NRG1: variants seen among roughly 807,000 people sequenced by gnomAD.
NRG1 encodes pro-neuregulin-1, membrane-bound isoform.
Under a neutral mutation model 63.8 loss-of-function variants are expected in NRG1, and 18 were observed. The observed-to-expected ratio is 0.28, with a 90% CI of 0.19 to 0.42. The LOEUF (loss-of-function observed/expected upper bound fraction) is 0.42, where lower values mean the gene tolerates loss of function less well. Among genes scored for constraint, NRG1 ranks in the 10% least tolerant of loss-of-function variants. The probability of loss-of-function intolerance (pLI) is 1.00; values close to 1 mark genes in which losing one functional copy is unlikely to be tolerated. For missense variants in NRG1, 762 were observed against 814.7 expected, an observed-to-expected ratio of 0.94 and a Z score of 0.79; for synonymous variants, 302 against 301.3, an observed-to-expected ratio of 1.00 and a Z score of -0.02.
At chr8:32,771,715 A>AAATATAT (rs1343943621), downstream of NRG1, among the ~76,000 whole-genome samples, 10 of 111,846 alleles carry the variant, frequency 8.9e-5, no homozygotes, top group African/African-American at 3.1e-4. Flanking sequence ...TTAAAAAAAA[A>AAATATAT]ATATATATAT....
intron 1 of NRG1, among the ~76,000 whole-genome samples, chr8:31,786,735 G>A (rs993723017): frequency 1.3e-5 from 2 of 152,176 alleles, no homozygotes; most frequent in African/African-American, 4.8e-5. Context: ...AAAGAATACA[G>A]ATGAAGAAAT....
At chr8:32,252,069 A>G (rs969571508) in intron 1 of NRG1, among the ~76,000 whole-genome samples, 1 of 152,012 alleles carries the variant, frequency 6.6e-6, no homozygotes. Context: ...AAATTTGTTT[A>G]GGTTCCTTGT....
intron 5 of NRG1, among the ~76,000 whole-genome samples, chr8:32,628,939 G>A (rs1267829239): frequency 6.6e-6 from 1 of 151,888 alleles, no homozygotes; most frequent in Non-Finnish European, 1.5e-5. Flanking sequence ...CCACCATGTT[G>A]GCCAGGCTGG....
intron 1 of NRG1, among the ~76,000 whole-genome samples, chr8:31,674,394 CTTA>C (rs1407163300): frequency 6.6e-6 from 1 of 152,096 alleles, no homozygotes; most frequent in South Asian, 2.1e-4. Context: ...CTTGCCAATA[CTTA>C]TTATTATTAT....
intron 1 of NRG1, among the ~76,000 whole-genome samples, chr8:31,652,068 T>C (rs187564476): frequency 2.0e-3 from 312 of 152,328 alleles, no homozygotes; most frequent in Non-Finnish European, 3.0e-3. Context: ...TCACCACAGT[T>C]ATTCCCAGTG....
chr8:31,862,369 G>A (rs1289647934), intron 1 of NRG1, among the ~76,000 whole-genome samples: 1 of 152,050 alleles, frequency 6.6e-6, no homozygotes, highest in Non-Finnish European at 1.5e-5. Flanking sequence ...ATTATCCCAA[G>A]GAAAAAGAAG....
chr8:32,466,405 C>G (rs529374320), intron 1 of NRG1, among the ~76,000 whole-genome samples: 63 of 150,624 alleles, frequency 4.2e-4, no homozygotes, highest in Non-Finnish European at 7.8e-4. Flanking sequence ...CCTGGATGAT[C>G]ACCCAGTAGC....
chr8:31,696,316 C>T (rs939527461), intron 1 of NRG1, among the ~76,000 whole-genome samples: 1 of 152,202 alleles, frequency 6.6e-6, no homozygotes, highest in Non-Finnish European at 1.5e-5. Flanking sequence ...ATCTGCCTGC[C>T]TTGGTCTCCC....
intron 1 of NRG1, among the ~76,000 whole-genome samples, chr8:31,958,247 G>C (rs1804810971): frequency 6.6e-6 from 1 of 152,114 alleles, no homozygotes; most frequent in African/African-American, 2.4e-5. Context: ...ATAAAAACCT[G>C]TTTGTGTTTT....
chr8:32,151,974 C>A (rs888267976), intron 1 of NRG1, among the ~76,000 whole-genome samples: 7 of 152,112 alleles, frequency 4.6e-5, no homozygotes. Context: ...TCTAGACATG[C>A]CTTATCAGTG....
intron 1 of NRG1, among the ~76,000 whole-genome samples, chr8:32,129,322 T>A (rs1834501748): frequency 6.6e-6 from 1 of 151,974 alleles, no homozygotes; most frequent in South Asian, 2.1e-4. Flanking sequence ...CAAGGTGTTG[T>A]CAGGGCTGTG....
At chr8:32,075,878 G>A (rs1455322939) in intron 1 of NRG1, among the ~76,000 whole-genome samples, 1 of 152,116 alleles carries the variant, frequency 6.6e-6, no homozygotes, top group Non-Finnish European at 1.5e-5. Context: ...TCGCCGTCTT[G>A]GCCAGGCTGG....
Position 32,366,133 on chromosome 8 carries a change from G to A in NRG1, c.38-229695G>A, listed in dbSNP as rs142726535. The stretch of plus-strand genomic sequence containing the variant: ...TCAGAATACATTCATGGACATATGA[G>A]TTTGGGGTTTTTTAAAATTTTTTTT... On this transcript the variant is annotated intron_variant, in intron 1 of 10. Transcript: ENST00000519301. Among the ~76,000 whole-genome samples, 182 of 152,250 alleles carry A rather than the reference G, an allele frequency of 1.2e-3. 1 individual carries two copies. The highest frequency in any genetic ancestry group is 4.3e-3 in the African/African-American group (179 of 41,542).
intron 1 of NRG1, among the ~76,000 whole-genome samples, chr8:31,986,949 T>C (rs568584676): frequency 1.3e-5 from 2 of 152,250 alleles, no homozygotes; most frequent in South Asian, 4.1e-4. Context: ...AGTGCTATAA[T>C]GTGACTGTTT....
chr8:32,312,896 G>T (rs1856985013), intron 1 of NRG1, among the ~76,000 whole-genome samples: 1 of 151,980 alleles, frequency 6.6e-6, no homozygotes, highest in African/African-American at 2.4e-5. Context: ...GCTCACACCT[G>T]TAATCCCAGC....
chr8:32,422,115 C>A (rs950733120), intron 1 of NRG1, among the ~76,000 whole-genome samples: 1 of 152,064 alleles, frequency 6.6e-6, no homozygotes, highest in South Asian at 2.1e-4. Flanking sequence ...AACAGAACTG[C>A]ACTTATACCC....
At chr8:31,677,435 A>G (rs1807829580) in intron 1 of NRG1, among the ~76,000 whole-genome samples, 1 of 152,144 alleles carries the variant, frequency 6.6e-6, no homozygotes, top group South Asian at 2.1e-4. Flanking sequence ...TGATATCCCT[A>G]TCTGTGGCTT....
chr8:31,880,042 G>T (rs1340836351), intron 1 of NRG1, among the ~76,000 whole-genome samples: 2 of 152,054 alleles, frequency 1.3e-5, no homozygotes, highest in African/African-American at 4.8e-5. Flanking sequence ...GTCTTTTCCG[G>T]TGAGGTTGCA....
At chr8:32,179,280 C>T (rs141114005) in intron 1 of NRG1, among the ~76,000 whole-genome samples, 2 of 151,540 alleles carry the variant, frequency 1.3e-5, no homozygotes, top group African/African-American at 4.8e-5. Flanking sequence ...GAGAGCTGCT[C>T]CTGATGCGGA....
Sources: allele counts gnomAD v4.1 joint callset (sites outside exome capture counted in the v4.1 genomes callset), GRCh38; gene constraint gnomAD v4.1.1; transcripts MANE v1.5; gene names NCBI Gene and HGNC (gene_info 2026-07-23, HGNC 2026-07-21).